Variants in INPP5D observed in about 807,000 individuals in gnomAD.
INPP5D encodes the protein inositol polyphosphate-5-phosphatase D, also known as phosphatidylinositol 3,4,5-trisphosphate 5-phosphatase 1.
INPP5D carries 33 observed loss-of-function variants against 122.9 expected under a neutral mutation model. That is an observed-to-expected ratio of 0.27 (90% confidence interval 0.20 to 0.36). The LOEUF (loss-of-function observed/expected upper bound fraction) is 0.36. Ranked by LOEUF, INPP5D falls within the 10% of genes least tolerant of loss-of-function variation. The probability of loss-of-function intolerance (pLI) is 1.00; values close to 1 mark genes in which losing one functional copy is unlikely to be tolerated. For synonymous variants in INPP5D, 584 were observed against 576.2 expected, an observed-to-expected ratio of 1.01 and a Z score of -0.19; for missense variants, 1,053 against 1,412.7, an observed-to-expected ratio of 0.75 and a Z score of 4.08.
chr2:233,185,405 G>A (rs1326263819), intron 20 of INPP5D, among the ~76,000 whole-genome samples: 1 of 152,036 alleles, frequency 6.6e-6, no homozygotes, highest in African/African-American at 2.4e-5. Flanking sequence ...TTGTGCGGGT[G>A]TTTTTAATAA....
chr2:233,084,334 C>T (rs1395924824), intron 2 of INPP5D, among the ~76,000 whole-genome samples: 2 of 152,172 alleles, frequency 1.3e-5, no homozygotes, highest in Admixed American at 1.3e-4. Context: ...GGATTACAGG[C>T]GTGAGCCACC....
In INPP5D at chr2:233,117,946, G is replaced by A. The variant is rs1000677686; in HGVS notation, c.199-4161G>A. The stretch of plus-strand genomic sequence containing the variant: ...CTTGTCTGTCATCCTGACCCAAGGC[G>A]GCAAATCCATGGAACCACTAAATGC... On this transcript the variant is annotated intron_variant, in intron 2 of 26. Coordinates refer to ENST00000445964, the MANE Select transcript of INPP5D (RefSeq NM_001017915.3). Among the ~76,000 whole-genome samples the A allele has an allele frequency of 8.5e-5, 13 of 152,272 alleles. No homozygotes were observed. The South Asian group carries it at 1.2e-3, about 15-fold the overall frequency.
At chr2:233,139,466 CTGTGTGTGTGTGTGTGTGTGTG>C (rs1191977468) in intron 5 of INPP5D, among the ~76,000 whole-genome samples, 3 of 147,440 alleles carry the variant, frequency 2.0e-5, no homozygotes, top group South Asian at 2.2e-4. Context: ...TTGTTAACAC[CTGTGTGTGTGTGTGTGTGTGTG>C]TGTGTGTGTG....
chr2:233,161,646 GC>G, intron 10 of INPP5D, 77 bp from the exon 11 acceptor site: 1 of 1,465,682 alleles, frequency 6.8e-7, no homozygotes, highest in Non-Finnish European at 9.1e-7. Flanking sequence ...TTTTCTTGAA[GC>G]TGACCAAGTC....
At chr2:233,159,301 G>A (rs1233673622) in intron 10 of INPP5D, among the ~76,000 whole-genome samples, 2 of 152,148 alleles carry the variant, frequency 1.3e-5, no homozygotes, top group East Asian at 1.9e-4. Context: ...ACCTATCATC[G>A]TGAACCTCAT....
In INPP5D at chr2:233,195,493, C is replaced by A; in HGVS notation, c.2691C>A (p.Ser897Arg). 3 of 1,612,978 alleles carry A rather than the reference C, an allele frequency of 1.9e-6. No individual in the cohort carries two copies. The highest frequency in any genetic ancestry group is 2.5e-6 in the Non-Finnish European group (3 of 1,179,458). Residue 897 changes from serine to arginine, a missense_variant and splice_region_variant, in exon 24 of 27, where the codon AGC becomes AGA. Coordinates refer to ENST00000445964, the MANE Select transcript of INPP5D (RefSeq NM_001017915.3). ...CCATGAAGCAGTGGGAAGTCACTAG[C>A]AGGTAAAGTGGGCGTGGGGTGGGTG... ...HDPMKQWEVT[S>R]RAPPCSGSSI...
Position 233,131,137 on chromosome 2 carries a change from G to A in INPP5D, c.665+489G>A, listed in dbSNP as rs1308435883. ...TGATTCACCAAAACTTTAATTTTCT[G>A]ATGTCCGATCCATTGAATGACCAAC... On this transcript the variant is annotated intron_variant, in intron 5 of 26. Coordinates refer to ENST00000445964, the MANE Select transcript of INPP5D (RefSeq NM_001017915.3). 3 of 979,368 alleles carry A rather than the reference G, an allele frequency of 3.1e-6. No individual in the cohort carries two copies. The African/African-American group carries it at 5.3e-5, about 17-fold the overall frequency. The allele number at this position is 979,368 out of a possible 1,614,324, so 60.7% of individuals were successfully genotyped here. A position where few individuals can be genotyped will look rare whatever the true frequency, so the allele number is the denominator to read the frequency against.
At chr2:233,205,872 A>G (rs1004698732) in intron 26 of INPP5D, among the ~76,000 whole-genome samples, 1 of 147,484 alleles carries the variant, frequency 6.8e-6, no homozygotes. Flanking sequence ...TGAGGTCAGG[A>G]GTTCAAGACC....
chr2:233,156,104 G>C (rs1694045602), intron 9 of INPP5D, among the ~76,000 whole-genome samples: 1 of 152,248 alleles, frequency 6.6e-6, no homozygotes, highest in Non-Finnish European at 1.5e-5. Context: ...AAGAGTCTGA[G>C]CCTGAGACCT....
chr2:233,096,782 T>C (rs924354914), intron 2 of INPP5D, among the ~76,000 whole-genome samples: 7 of 152,230 alleles, frequency 4.6e-5, no homozygotes, highest in Non-Finnish European at 7.3e-5. Context: ...AAAAACCCTT[T>C]ATATGTTTTG....
At chr2:233,150,757 G>T (rs1693901044) in intron 9 of INPP5D, among the ~76,000 whole-genome samples, 2 of 152,218 alleles carry the variant, frequency 1.3e-5, no homozygotes, top group South Asian at 4.1e-4. Flanking sequence ...ACATGGGCAG[G>T]TATTAGAATG....
chr2:233,137,867 T>A (rs1355717526), intron 5 of INPP5D, among the ~76,000 whole-genome samples: 433 of 29,638 alleles, frequency 0.015, 6 homozygotes, highest in Non-Finnish European at 0.019. Context: ...TATATATATA[T>A]ATATATATAT....
At chr2:233,086,946 A>G (rs968088366) in intron 2 of INPP5D, among the ~76,000 whole-genome samples, 22 of 152,044 alleles carry the variant, frequency 1.4e-4, no homozygotes, top group African/African-American at 5.3e-4. Flanking sequence ...GACATTCCTA[A>G]TGACTTATGT....
chr2:233,196,406 C>T (rs1202274826), intron 24 of INPP5D, among the ~76,000 whole-genome samples: 1 of 152,224 alleles, frequency 6.6e-6, no homozygotes, highest in East Asian at 1.9e-4. Context: ...AAATTCAGTG[C>T]AGTCCCTGAC....
chr2:233,149,436 A>G (rs146178696), intron 9 of INPP5D, among the ~76,000 whole-genome samples: 77,657 of 151,928 alleles, frequency 0.51, 20,556 homozygotes, highest in East Asian at 0.66. Context: ...TGCACTAAGT[A>G]TGGGGAACTG....
intron 2 of INPP5D, among the ~76,000 whole-genome samples, chr2:233,096,162 A>T (rs1024950066): frequency 6.6e-6 from 1 of 152,188 alleles, no homozygotes; most frequent in Non-Finnish European, 1.5e-5. Context: ...GGTTGAAGGA[A>T]TGCGTATATG....
chr2:233,067,740 G>A (rs72982235), intron 1 of INPP5D, among the ~76,000 whole-genome samples: 8,045 of 152,246 alleles, frequency 0.053, 560 homozygotes, highest in African/African-American at 0.16. Context: ...GGTGTGAAGT[G>A]ATGTCTTATT....
chr2:233,168,018 A>AAAAAAAAG (rs1694392590), intron 13 of INPP5D, among the ~76,000 whole-genome samples: 1 of 117,562 alleles, frequency 8.5e-6, no homozygotes, highest in African/African-American at 2.7e-5. Flanking sequence ...AAAAAAAAAA[A>AAAAAAAAG]AAAAAAAGAA....
chr2:233,172,738 G>A (rs1694522242), intron 17 of INPP5D, among the ~76,000 whole-genome samples: 1 of 152,182 alleles, frequency 6.6e-6, no homozygotes, highest in South Asian at 2.1e-4. Flanking sequence ...TCGTCATTGT[G>A]GGAACCTCAT....
Sources: gnomAD v4.1 joint callset for allele counts (sites outside exome capture counted in the v4.1 genomes callset) on GRCh38, gnomAD v4.1.1 for gene constraint, MANE v1.5 for transcripts, NCBI Gene and HGNC (gene_info 2026-07-23, HGNC 2026-07-21) for gene names.